The following ZBBX variants were observed in gnomAD, a reference collection of about 807,000 sequenced individuals.
ZBBX encodes the protein zinc finger B-box domain containing.
ZBBX carries 101 observed loss-of-function variants against 108.5 expected under a neutral mutation model. The observed-to-expected ratio is 0.93, with a 90% CI of 0.79 to 1.10. The LOEUF (loss-of-function observed/expected upper bound fraction) is 1.10. ZBBX is among the 50% of genes least tolerant of loss of function. ZBBX has a pLI of 0.00. For synonymous variants in ZBBX, 356 were observed against 323.4 expected, an observed-to-expected ratio of 1.10 and a Z score of -1.08; for missense variants, 1,009 against 941.4, an observed-to-expected ratio of 1.07 and a Z score of -0.94.
At chr3:167,211,663 C>G in the ZBBX span, among the ~76,000 whole-genome samples, 1 of 152,026 alleles carries the variant, frequency 6.6e-6, no homozygotes, top group Admixed American at 6.5e-5. Flanking sequence ...TCTGAACTGA[C>G]CCAGGGCAGA....
intron 18 of ZBBX, 118 bp downstream of exon 18, chr3:167,298,187 T>A: frequency 1.4e-6 from 1 of 740,582 alleles, no homozygotes; most frequent in Non-Finnish European, 2.0e-6. Flanking sequence ...TGGCAACTAA[T>A]ACAAGGTTAA....
chr3:167,282,077 T>A (rs998217064), intron 20 of ZBBX, among the ~76,000 whole-genome samples, 161 bp downstream of exon 20: 2 of 152,132 alleles, frequency 1.3e-5, no homozygotes, highest in African/African-American at 4.8e-5. Flanking sequence ...CAGAGTGATA[T>A]CGGGGATTTC....
intron 20 of ZBBX, among the ~76,000 whole-genome samples, chr3:167,268,648 C>T (rs959722576): frequency 1.3e-5 from 2 of 151,958 alleles, no homozygotes; most frequent in African/African-American, 4.8e-5. Flanking sequence ...TAGAAGACCC[C>T]CTTGGACAAG....
chr3:167,193,516 A>G, the ZBBX span, among the ~76,000 whole-genome samples: 3 of 151,918 alleles, frequency 2.0e-5, no homozygotes, highest in African/African-American at 7.3e-5. Flanking sequence ...TTCTATTGAG[A>G]TTGAGACAGG....
chr3:167,378,441 A>G (rs1438267473), intron 2 of ZBBX, among the ~76,000 whole-genome samples: 1 of 152,232 alleles, frequency 6.6e-6, no homozygotes, highest in Non-Finnish European at 1.5e-5. Context: ...ACCTAGGTAG[A>G]CTAAATTCAC....
At chr3:167,404,087 AT>A (rs1345611162) in intron 1 of ZBBX, among the ~76,000 whole-genome samples, 4 of 152,134 alleles carry the variant, frequency 2.6e-5, no homozygotes, top group African/African-American at 9.7e-5. Flanking sequence ...TAAACGCAAC[AT>A]GGATAGGTTG....
intron 16 of ZBBX, 35 bp downstream of exon 16, chr3:167,313,939 C>T (rs1390470019): frequency 6.6e-7 from 1 of 1,521,822 alleles, no homozygotes; most frequent in Non-Finnish European, 8.8e-7. Flanking sequence ...TCAACATGCA[C>T]TGTTAATAAT....
chr3:167,317,381 C>T (rs1735640096), intron 13 of ZBBX, 107 bp downstream of exon 13: 1 of 811,894 alleles, frequency 1.2e-6, no homozygotes, highest in Non-Finnish European at 1.9e-6. Flanking sequence ...CATGGTACAA[C>T]TGAGAATAAT....
chr3:167,275,697 G>A (rs1275403696), intron 20 of ZBBX, among the ~76,000 whole-genome samples: 1 of 149,536 alleles, frequency 6.7e-6, no homozygotes, highest in East Asian at 1.9e-4. Flanking sequence ...CAGCGAGGCT[G>A]GGGGAGGGGT....
intron 20 of ZBBX, chr3:167,251,984 G>T: frequency 2.4e-6 from 1 of 412,856 alleles, no homozygotes; most frequent in Non-Finnish European, 4.3e-6. Context: ...GGTACTTCTA[G>T]AATGGCACTC....
chr3:167,235,174 C>A (rs192226595), downstream of ZBBX, among the ~76,000 whole-genome samples: 129 of 151,714 alleles, frequency 8.5e-4, no homozygotes, highest in Non-Finnish European at 1.6e-3. Flanking sequence ...AGTAGCCTAA[C>A]CTACAAGGTA....
intron 4 of ZBBX, among the ~76,000 whole-genome samples, chr3:167,370,476 A>T (rs1047518951): frequency 1.3e-5 from 2 of 152,162 alleles, no homozygotes; most frequent in Admixed American, 6.6e-5. Context: ...AGCCTACCAC[A>T]CTTCACAAAC....
chr3:167,209,298 T>A, the ZBBX span, among the ~76,000 whole-genome samples: 2 of 152,078 alleles, frequency 1.3e-5, no homozygotes, highest in African/African-American at 4.8e-5. Context: ...AGTGCTGTGC[T>A]GGCTTCTGGC....
intron 1 of ZBBX, among the ~76,000 whole-genome samples, chr3:167,396,400 TG>T (rs1259314073): frequency 6.6e-6 from 1 of 152,044 alleles, no homozygotes; most frequent in East Asian, 1.9e-4. Flanking sequence ...CACACTTCAG[TG>T]GCACATAGGA....
intron 1 of ZBBX, among the ~76,000 whole-genome samples, chr3:167,399,743 T>C (rs1202497293): frequency 6.6e-6 from 1 of 152,184 alleles, no homozygotes; most frequent in Non-Finnish European, 1.5e-5. Flanking sequence ...TGGATACACA[T>C]GCTTGTTTGT....
intron 20 of ZBBX, among the ~76,000 whole-genome samples, chr3:167,262,987 C>A (rs947937547): frequency 2.7e-5 from 4 of 145,552 alleles, no homozygotes; most frequent in African/African-American, 1.0e-4. Flanking sequence ...ATTAGTATTT[C>A]TTTTCTTCCA....
the ZBBX span, among the ~76,000 whole-genome samples, chr3:167,192,911 C>T: frequency 6.6e-6 from 1 of 152,128 alleles, no homozygotes; most frequent in African/African-American, 2.4e-5. Flanking sequence ...TTACTTTAAA[C>T]TGCTATTTTA....
intron 11 of ZBBX, among the ~76,000 whole-genome samples, chr3:167,323,142 T>G (rs1277607706): frequency 6.7e-6 from 1 of 148,480 alleles, no homozygotes; most frequent in Non-Finnish European, 1.5e-5. Flanking sequence ...AGAGCAGAGT[T>G]AAGGACATGA....
At chr3:167,286,547 T>A (rs972183056) in intron 19 of ZBBX, among the ~76,000 whole-genome samples, 1 of 152,212 alleles carries the variant, frequency 6.6e-6, no homozygotes, top group South Asian at 2.1e-4. Context: ...GAAGTAAAAG[T>A]GAAAATGGGA....
Sources: gnomAD v4.1 joint callset for allele counts (sites outside exome capture counted in the v4.1 genomes callset) on GRCh38, gnomAD v4.1.1 for gene constraint, MANE v1.5 for transcripts, NCBI Gene and HGNC (gene_info 2026-07-23, HGNC 2026-07-21) for gene names.